Variants in MYO16 observed in about 807,000 individuals in gnomAD.
The protein encoded by MYO16 is myosin XVI.
A neutral mutation model predicts 205.3 loss-of-function variants in MYO16; 94 were observed. The ratio of observed to expected loss-of-function variants is 0.46; its 90% CI spans 0.39 to 0.54. The LOEUF (loss-of-function observed/expected upper bound fraction) is 0.54, where lower values mean the gene tolerates loss of function less well. Ranked by LOEUF, MYO16 falls within the 20% of genes least tolerant of loss-of-function variation. The probability of loss-of-function intolerance (pLI) is 0.00; values close to 1 mark genes in which losing one functional copy is unlikely to be tolerated. For synonymous variants in MYO16, 988 were observed against 954.0 expected (o/e 1.04, Z -0.66); for missense variants, 2,315 against 2,387.5 (o/e 0.97, Z 0.63).
At chr13:108,755,650 T>G (rs1352205913) in intron 4 of MYO16, among the ~76,000 whole-genome samples, 1 of 152,158 alleles carries the variant, frequency 6.6e-6, no homozygotes. Context: ...ACACTATATT[T>G]AACTTCAAAA....
chr13:108,850,701 C>G (rs991592142), intron 10 of MYO16, among the ~76,000 whole-genome samples: 2 of 152,188 alleles, frequency 1.3e-5, no homozygotes, highest in Non-Finnish European at 1.5e-5. Context: ...GAATCTGCTC[C>G]TTTGATAGCC....
chr13:108,955,328 G>A (rs1288046340), intron 16 of MYO16, among the ~76,000 whole-genome samples: 3 of 152,008 alleles, frequency 2.0e-5, no homozygotes, highest in Admixed American at 1.3e-4. Flanking sequence ...GTTTTTTGGT[G>A]CTTCTATCTC....
chr13:108,900,725 T>G (rs1424921141), intron 15 of MYO16, among the ~76,000 whole-genome samples: 2 of 152,146 alleles, frequency 1.3e-5, no homozygotes, highest in Admixed American at 1.3e-4. Flanking sequence ...ACGAATTGTT[T>G]GTAGAGCATG....
chr13:108,817,548 G>A (rs73612446), intron 7 of MYO16, among the ~76,000 whole-genome samples: 4,003 of 152,248 alleles, frequency 0.026, 178 homozygotes, highest in African/African-American at 0.09. Context: ...TTGGTGATGA[G>A]AAATGTTCTA....
chr13:109,152,576 C>T (rs1180189743), intron 32 of MYO16, among the ~76,000 whole-genome samples: 2 of 152,150 alleles, frequency 1.3e-5, no homozygotes, highest in African/African-American at 2.4e-5. Flanking sequence ...ATCATAAAAA[C>T]GTCTTTTTAA....
intron 3 of MYO16, among the ~76,000 whole-genome samples, chr13:108,718,492 C>G (rs969921955): frequency 6.6e-6 from 1 of 151,450 alleles, no homozygotes; most frequent in African/African-American, 2.4e-5. Context: ...CTGCATGTTC[C>G]TTGGAGGATG....
intron 27 of MYO16, among the ~76,000 whole-genome samples, chr13:109,065,281 A>G (rs1887709936): frequency 1.3e-5 from 2 of 152,146 alleles, no homozygotes; most frequent in Non-Finnish European, 2.9e-5. Context: ...ACCAACCCAG[A>G]TATGTTCAAT....
intron 16 of MYO16, among the ~76,000 whole-genome samples, chr13:108,953,235 G>A (rs1408630395): frequency 6.6e-6 from 1 of 152,126 alleles, no homozygotes; most frequent in East Asian, 1.9e-4. Flanking sequence ...ATCTGTCTGA[G>A]GAGTATAGAA....
rs908149181 is a variant in MYO16 at position 109,017,223 on chromosome 13, A to C, written c.2596-2488A>C. On this transcript the variant is annotated intron_variant, in intron 22 of 34. Transcript: ENST00000457511. ...GGATTTTATTTCTCCTTCATTTATGAAGCTTAGTTTGGCTGGATGTGAAAT... is the reference window on the plus strand; with the variant it reads ...GGATTTTATTTCTCCTTCATTTATGCAGCTTAGTTTGGCTGGATGTGAAAT... Among the ~76,000 whole-genome samples the C allele has an allele frequency of 3.3e-5, 5 of 152,162 alleles. No homozygotes were observed. In the South Asian group the frequency reaches 1.0e-3, roughly 32 times the overall value.
At chr13:108,983,574 A>C (rs1023997982) in intron 20 of MYO16, among the ~76,000 whole-genome samples, 1 of 152,192 alleles carries the variant, frequency 6.6e-6, no homozygotes, top group Non-Finnish European at 1.5e-5. Context: ...ATTTAAAAAT[A>C]TTTAGGAACA....
intron 27 of MYO16, among the ~76,000 whole-genome samples, chr13:109,082,923 T>G (rs1273834212): frequency 6.6e-6 from 1 of 152,104 alleles, no homozygotes; most frequent in Non-Finnish European, 1.5e-5. Flanking sequence ...CGTATGAATA[T>G]AAGAATATAT....
chr13:108,793,517 A>C lies in MYO16; in HGVS notation c.618A>C (p.Gly206=). ...TTGAAAGGCTCTTTCTCCCCACAGGAGTGGATTTGACCTCACTGCGCCAGA... is the reference window on the plus strand; with the variant it reads ...TTGAAAGGCTCTTTCTCCCCACAGGCGTGGATTTGACCTCACTGCGCCAGA... ...SILLTYLDEN[G]VDLTSLRQMK... Residue 206 remains glycine (G), a splice_region_variant and synonymous_variant, in exon 6 of 35, where the codon GGA becomes GGC. Coordinates refer to ENST00000457511, the MANE Select transcript of MYO16 (RefSeq NM_001198950.3). The C allele has an allele frequency of 6.2e-7, 1 of 1,613,502 alleles. No homozygotes were observed. The highest frequency in any genetic ancestry group is 8.5e-7 in the Non-Finnish European group (1 of 1,179,654).
chr13:108,601,024 G>A lies in MYO16; in HGVS notation c.-39+4785G>A, dbSNP rs114782110. Among the ~76,000 whole-genome samples the A allele has an allele frequency of 9.7e-3, 1,478 of 152,108 alleles. 26 individuals are homozygous for A. The highest frequency in any genetic ancestry group is 0.033 in the African/African-American group (1,390 of 41,504). On this transcript the variant is annotated intron_variant, in intron 1 of 24. Coordinates refer to the MYO16 transcript ENST00000251041. ...AATCCCAGGTCCTTTTTACTTGAGG[G>A]CTTCTTGTGTGGCTTTGAACTCAGC... is the stretch of plus-strand genomic sequence containing the variant.
At chr13:108,893,925 A>G (rs1200909334) in intron 14 of MYO16, among the ~76,000 whole-genome samples, 1 of 152,198 alleles carries the variant, frequency 6.6e-6, no homozygotes, top group African/African-American at 2.4e-5. Flanking sequence ...AAGAAAAGTC[A>G]GTGTACTAGT....
the MYO16 span, among the ~76,000 whole-genome samples, chr13:108,503,352 C>T: frequency 3.2e-4 from 48 of 152,032 alleles, no homozygotes; most frequent in African/African-American, 1.1e-3. Flanking sequence ...CGGGAGCCGA[C>T]GATATATAGA....
intron 12 of MYO16, among the ~76,000 whole-genome samples, chr13:108,874,491 G>A (rs1879226363): frequency 1.3e-5 from 2 of 152,008 alleles, no homozygotes; most frequent in Admixed American, 1.3e-4. Context: ...CATCTCAAAA[G>A]GCAAGCAAAT....
intron 4 of MYO16, among the ~76,000 whole-genome samples, chr13:108,745,273 G>A (rs1594259054): frequency 6.6e-6 from 1 of 152,290 alleles, no homozygotes; most frequent in East Asian, 1.9e-4. Flanking sequence ...GCTGAGTGCA[G>A]ACTAGTATGG....
chr13:108,884,815 C>T (rs1159423272), intron 13 of MYO16, among the ~76,000 whole-genome samples: 5 of 151,112 alleles, frequency 3.3e-5, no homozygotes, highest in South Asian at 2.1e-4. Context: ...ATGAGAAAGG[C>T]GCTGAGACAG....
At chr13:108,547,890 C>A in the MYO16 span, among the ~76,000 whole-genome samples, 1 of 152,086 alleles carries the variant, frequency 6.6e-6, no homozygotes, top group Non-Finnish European at 1.5e-5. Flanking sequence ...ATTTGTCTCC[C>A]TTCCCTCTAG....
Sources: gnomAD v4.1 joint callset for allele counts (sites outside exome capture counted in the v4.1 genomes callset) on GRCh38, gnomAD v4.1.1 for gene constraint, MANE v1.5 for transcripts, NCBI Gene and HGNC (gene_info 2026-07-23, HGNC 2026-07-21) for gene names.